Variants in DLGAP2 observed in about 807,000 individuals in gnomAD.
The protein encoded by DLGAP2 is disks large-associated protein 2.
A neutral mutation model predicts 100.3 loss-of-function variants in DLGAP2; 26 were observed. That is an observed-to-expected ratio of 0.26 (90% confidence interval 0.19 to 0.36). The LOEUF is 0.36. Ranked by LOEUF, DLGAP2 falls within the 10% of genes least tolerant of loss-of-function variation. The probability of loss-of-function intolerance (pLI) is 1.00; values close to 1 mark genes in which losing one functional copy is unlikely to be tolerated. For synonymous variants in DLGAP2, 886 were observed against 630.1 expected (o/e 1.41, Z -6.08); for missense variants, 1,858 against 1,453.2 (o/e 1.28, Z -4.53).
At chr8:1,321,209 G>A (rs570283680) in intron 3 of DLGAP2, among the ~76,000 whole-genome samples, 1 of 151,520 alleles carries the variant, frequency 6.6e-6, no homozygotes, top group East Asian at 2.0e-4. Context: ...GCATCCATGT[G>A]CCTCTGCATG....
chr8:870,841 C>A (rs1797583408), intron 1 of DLGAP2, among the ~76,000 whole-genome samples: 1 of 152,178 alleles, frequency 6.6e-6, no homozygotes, highest in Non-Finnish European at 1.5e-5. Flanking sequence ...TCTTGGCTCT[C>A]TTTCCCTCAC....
intron 2 of DLGAP2, among the ~76,000 whole-genome samples, chr8:1,074,708 T>C (rs1331465264): frequency 6.6e-6 from 1 of 152,196 alleles, no homozygotes; most frequent in Non-Finnish European, 1.5e-5. Context: ...AGAGAGCATT[T>C]CCCACTCCTC....
At chr8:1,191,962 A>C (rs1428859582) in intron 2 of DLGAP2, among the ~76,000 whole-genome samples, 1 of 152,198 alleles carries the variant, frequency 6.6e-6, no homozygotes, top group African/African-American at 2.4e-5. Flanking sequence ...ATGTGTAGCA[A>C]TGACTTCAAA....
chr8:1,314,542 C>T (rs1363697344), intron 3 of DLGAP2, among the ~76,000 whole-genome samples: 8 of 152,134 alleles, frequency 5.3e-5, no homozygotes, highest in Non-Finnish European at 1.0e-4. Flanking sequence ...GCCGAGTTAC[C>T]CTCCAGCCAC....
chr8:1,610,162 A>G (rs1156779108), intron 6 of DLGAP2, among the ~76,000 whole-genome samples: 1 of 152,168 alleles, frequency 6.6e-6, no homozygotes, highest in East Asian at 1.9e-4. Context: ...AGCAAATGTG[A>G]AAGAACAGAA....
intron 8 of DLGAP2, among the ~76,000 whole-genome samples, chr8:1,644,456 T>A (rs1797991966): frequency 6.6e-6 from 1 of 152,228 alleles, no homozygotes; most frequent in Admixed American, 6.5e-5. Context: ...CTGCTGCTCG[T>A]CGGCCCGCAG....
Position 1,668,646 on chromosome 8 carries a change from C to T in DLGAP2, c.2128C>T (p.Leu710Phe), listed in dbSNP as rs1798609316. The T allele has an allele frequency of 1.3e-6, 2 of 1,582,188 alleles. No homozygotes were observed. Among genetic ancestry groups the T allele is most frequent in the Admixed American group, 1.8e-5 (1 of 56,128 alleles). The change falls in exon 9 of 15, where the codon CTC (leucine) becomes TTC (phenylalanine). Residue 710 changes from leucine (L) to phenylalanine (F), a missense_variant. Physicochemically the swap from Leu to Phe is conservative, Grantham distance 22 (BLOSUM62 0). Transcript: ENST00000637795. Reference sequence around the variant, plus strand: ...CCTGGTGTCCAAGGCGGAGGAGCTCCTCAAGAGCCGCTGCTCCTCCATCGG... The same window carrying T: ...CCTGGTGTCCAAGGCGGAGGAGCTCTTCAAGAGCCGCTGCTCCTCCATCGG... ...AILVSKAEEL[L>F]KSRCSSIGIQ...
intron 4 of DLGAP2, among the ~76,000 whole-genome samples, chr8:1,516,404 T>C (rs1800385507): frequency 6.6e-6 from 1 of 151,084 alleles, no homozygotes; most frequent in African/African-American, 2.4e-5. Context: ...AGTGGGTGAC[T>C]GAGTGAAAGA....
chr8:1,664,323 A>T (rs1236186793), intron 8 of DLGAP2, among the ~76,000 whole-genome samples: 1 of 151,490 alleles, frequency 6.6e-6, no homozygotes, highest in Admixed American at 6.6e-5. Flanking sequence ...GGCCCGTCCT[A>T]CTCCTGCTTC....
chr8:896,674 C>T (rs182366529), intron 1 of DLGAP2, among the ~76,000 whole-genome samples: 89 of 152,186 alleles, frequency 5.8e-4, no homozygotes, highest in African/African-American at 2.1e-3. Flanking sequence ...GTACTGTCTT[C>T]TATGGGAGGG....
At chr8:743,393 T>C (rs1288205885) in intron 1 of DLGAP2, among the ~76,000 whole-genome samples, 1 of 152,222 alleles carries the variant, frequency 6.6e-6, no homozygotes, top group East Asian at 1.9e-4. Context: ...TTGTAAGAGA[T>C]GTTCTGAGGG....
chr8:1,674,236 G>A (rs1458058618), intron 10 of DLGAP2, among the ~76,000 whole-genome samples: 2 of 152,118 alleles, frequency 1.3e-5, no homozygotes, highest in African/African-American at 4.8e-5. Flanking sequence ...GTAGAGATGG[G>A]GTCTTGCCAT....
intron 2 of DLGAP2, among the ~76,000 whole-genome samples, chr8:994,788 C>A (rs932935262): frequency 3.9e-5 from 6 of 152,132 alleles, no homozygotes; most frequent in Admixed American, 6.6e-5. Flanking sequence ...TGAAGCAAGT[C>A]CCCAAAGTGT....
At chr8:1,047,550 G>A (rs1440005146) in intron 2 of DLGAP2, among the ~76,000 whole-genome samples, 2 of 152,174 alleles carry the variant, frequency 1.3e-5, no homozygotes, top group Non-Finnish European at 2.9e-5. Context: ...TGGATCGAGT[G>A]TCTTATAAAC....
intron 2 of DLGAP2, among the ~76,000 whole-genome samples, chr8:1,157,199 G>C (rs762938567): frequency 1.4e-4 from 21 of 152,050 alleles, no homozygotes; most frequent in Non-Finnish European, 2.5e-4. Flanking sequence ...TGTGGGTTCC[G>C]TACCCCGTGT....
intron 1 of DLGAP2, among the ~76,000 whole-genome samples, chr8:873,032 C>G (rs575289478): frequency 3.9e-5 from 6 of 152,162 alleles, no homozygotes; most frequent in Non-Finnish European, 8.8e-5. Context: ...GTACTATGTG[C>G]ATGTATGCAT....
chr8:1,458,916 C>A (rs962180701), intron 3 of DLGAP2, among the ~76,000 whole-genome samples: 1 of 152,220 alleles, frequency 6.6e-6, no homozygotes, highest in African/African-American at 2.4e-5. Flanking sequence ...CAGCATCTTT[C>A]CCACCAATGT....
At chr8:1,509,673 C>G (rs1028945298) in intron 4 of DLGAP2, among the ~76,000 whole-genome samples, 2 of 151,974 alleles carry the variant, frequency 1.3e-5, no homozygotes, top group African/African-American at 4.8e-5. Context: ...ACCCACCTCT[C>G]CTGTTCTTCT....
At chr8:1,039,111 T>C (rs1219746222) in intron 2 of DLGAP2, among the ~76,000 whole-genome samples, 1 of 152,122 alleles carries the variant, frequency 6.6e-6, no homozygotes, top group Non-Finnish European at 1.5e-5. Flanking sequence ...CTCACCTGGT[T>C]GGTTGCGTTG....
Sources: allele counts gnomAD v4.1 joint callset (sites outside exome capture counted in the v4.1 genomes callset), GRCh38; gene constraint gnomAD v4.1.1; transcripts MANE v1.5; gene names NCBI Gene and HGNC (gene_info 2026-07-23, HGNC 2026-07-21).